The following TOX2 variants were observed in gnomAD, a reference collection of about 807,000 sequenced individuals.
The protein encoded by TOX2 is TOX high mobility group box family member 2.
A neutral mutation model predicts 47.4 loss-of-function variants in TOX2; 15 were observed. That is an observed-to-expected ratio of 0.32 (90% CI 0.21 to 0.49). TOX2 has a LOEUF of 0.49. Ranked by LOEUF, TOX2 falls within the 20% of genes least tolerant of loss-of-function variation. The probability of loss-of-function intolerance (pLI) is 0.99; values close to 1 mark genes in which losing one functional copy is unlikely to be tolerated. For missense variants in TOX2, 622 were observed against 673.1 expected, an observed-to-expected ratio of 0.92 and a Z score of 0.84; for synonymous variants, 290 against 296.6, an observed-to-expected ratio of 0.98 and a Z score of 0.23.
chr20:44,040,705 TC>T (rs2145719049), intron 3 of TOX2, among the ~76,000 whole-genome samples: 1 of 152,284 alleles, frequency 6.6e-6, no homozygotes, highest in African/African-American at 2.4e-5. Flanking sequence ...CTCTTTCTCT[TC>T]CTCCTGATGA....
At chr20:43,929,200 A>C (rs1040380825) in intron 1 of TOX2, among the ~76,000 whole-genome samples, 7 of 152,008 alleles carry the variant, frequency 4.6e-5, no homozygotes, top group African/African-American at 1.2e-4. Flanking sequence ...AGGGAAAAAA[A>C]CCCCCACAAA....
intron 1 of TOX2, among the ~76,000 whole-genome samples, chr20:43,934,003 T>A (rs2145327979): frequency 6.6e-6 from 1 of 151,858 alleles, no homozygotes; most frequent in South Asian, 2.1e-4. Context: ...GAGCTGCGTG[T>A]GCTGCAGGTT....
At chr20:43,951,705 A>ATTTTTTTTTTTT (rs1212223106) in intron 1 of TOX2, among the ~76,000 whole-genome samples, 3 of 30,382 alleles carry the variant, frequency 9.9e-5, no homozygotes, top group Non-Finnish European at 2.0e-4. Context: ...TAAACTTATT[A>ATTTTTTTTTTTT]TGTTTTTTTT....
chr20:44,045,351 AAAAT>A (rs35447153), intron 3 of TOX2, among the ~76,000 whole-genome samples: 100,034 of 151,482 alleles, frequency 0.66, 33,461 homozygotes, highest in East Asian at 0.78. Context: ...ACAAAGTTGT[AAAAT>A]AAATAGCCTA....
rs2069459917 is a variant in TOX2 at position 43,945,830 on chromosome 20, C to T, written c.100-27537C>T. ...GATGGGGGGTGGGGGTGCTGGGCCT[C>T]CAGCCAATAGAGGACCAAGAGTTGT... is the stretch of plus-strand genomic sequence containing the variant. On this transcript the variant is annotated intron_variant, in intron 1 of 8. Transcript: ENST00000341197. The T allele has an allele frequency of 4.4e-6, 7 of 1,578,562 alleles. No homozygotes were observed. In the South Asian group the frequency reaches 4.5e-5, roughly 10 times the overall value.
In TOX2 at chr20:44,006,565, G is replaced by A. The variant is rs768341615; in HGVS notation, c.184G>A (p.Glu62Lys). 9.9e-6 allele frequency: 16 copies of A among 1,613,272 alleles called. No individual in the cohort carries two copies. Among genetic ancestry groups the A allele is most frequent in the Non-Finnish European group, 1.1e-5 (13 of 1,179,928 alleles). The change falls in exon 3 of 9, where the codon GAG becomes AAG. Residue 62 changes from glutamate (E) to lysine (K), a missense_variant. Around this residue, in one of 3 missense-constraint regions of TOX2, gnomAD observed 307 missense variants for 327.3 expected, o/e 0.94. Coordinates refer to ENST00000341197, the MANE Select transcript of TOX2 (RefSeq NM_001098797.2). ...STSQTYNGQS[E>K]NNEDYEIPPI... ...GTTTTAGACCTACAACGGCCAGAGCGAGAACAACGAAGACTATGAGATCCC... is the reference window on the plus strand; with the variant it reads ...GTTTTAGACCTACAACGGCCAGAGCAAGAACAACGAAGACTATGAGATCCC...
chr20:43,923,875 C>A (rs2069137703), intron 1 of TOX2, among the ~76,000 whole-genome samples: 1 of 152,174 alleles, frequency 6.6e-6, no homozygotes, highest in African/African-American at 2.4e-5. Flanking sequence ...GCTGGCCTGG[C>A]CTGACCTGTG....
chr20:43,969,371 G>A (rs1301705165), intron 1 of TOX2, among the ~76,000 whole-genome samples: 1 of 152,226 alleles, frequency 6.6e-6, no homozygotes, highest in Non-Finnish European at 1.5e-5. Flanking sequence ...GTAGATGTGG[G>A]TGTTTTTGAT....
intron 1 of TOX2, among the ~76,000 whole-genome samples, chr20:43,971,053 T>TG (rs1285983683): frequency 6.6e-6 from 1 of 152,194 alleles, no homozygotes; most frequent in Admixed American, 6.5e-5. Flanking sequence ...GTCCCTGTGC[T>TG]GGGGAGGCTC....
At chr20:44,039,037 T>G (rs980650477) in intron 3 of TOX2, 1 of 1,239,624 alleles carries the variant, frequency 8.1e-7, no homozygotes, top group Non-Finnish European at 1.0e-6. Context: ...CTGGCTTCAC[T>G]TGGTTCCCAG....
chr20:44,051,552 G>A lies in TOX2; in HGVS notation c.651+7G>A. The A allele has an allele frequency of 6.4e-7, 1 of 1,572,144 alleles. No individual in the cohort carries two copies. On this transcript the variant is annotated splice_region_variant and intron_variant, in intron 4 of 8. Transcript: ENST00000341197. ...GTCGGAAGTGCATTTCAAGGTATGT[G>A]CGGTGGAGGAACAGAGCCTGAAGCT...
At chr20:43,970,115 G>A (rs901233911) in intron 1 of TOX2, among the ~76,000 whole-genome samples, 5 of 152,134 alleles carry the variant, frequency 3.3e-5, no homozygotes, top group Admixed American at 2.6e-4. Flanking sequence ...AAAAGCATTG[G>A]TCCCTGCTGT....
At chr20:44,013,948 A>G (rs910629865) in intron 3 of TOX2, among the ~76,000 whole-genome samples, 34 of 151,840 alleles carry the variant, frequency 2.2e-4, no homozygotes, top group African/African-American at 7.7e-4. Context: ...TGGCCAACAT[A>G]GTGAAACCCC....
intron 3 of TOX2, among the ~76,000 whole-genome samples, chr20:44,032,620 G>A (rs1209255553): frequency 6.6e-6 from 1 of 152,090 alleles, no homozygotes; most frequent in Non-Finnish European, 1.5e-5. Flanking sequence ...TAAGGACTTT[G>A]GCTTTTACTT....
intron 3 of TOX2, among the ~76,000 whole-genome samples, chr20:44,041,000 C>T (rs2071323275): frequency 6.6e-6 from 1 of 152,006 alleles, no homozygotes; most frequent in Admixed American, 6.6e-5. Context: ...AGAAGCAGAG[C>T]CTGAGATGGG....
At chr20:44,038,410 C>T (rs1027805845) in intron 3 of TOX2, among the ~76,000 whole-genome samples, 1 of 151,928 alleles carries the variant, frequency 6.6e-6, no homozygotes, top group African/African-American at 2.4e-5. Flanking sequence ...GTTTCTGAAC[C>T]CTCTCAAACT....
At chr20:43,962,844 T>C (rs947975092) in intron 1 of TOX2, among the ~76,000 whole-genome samples, 1 of 152,214 alleles carries the variant, frequency 6.6e-6, no homozygotes, top group African/African-American at 2.4e-5. Context: ...TTTTAAGTTT[T>C]CTAATAGCCA....
At position 44,041,090 on chromosome 20, in the gene TOX2, C is replaced by A. The variant is rs547490550; in HGVS notation, c.412-10216C>A. The stretch of plus-strand genomic sequence containing the variant: ...GGGAAGGGGCTGAGCATGGATGTAG[C>A]CTCGGCTGGAGACTCGCTTCAGGCT... On this transcript the variant is annotated intron_variant, in intron 3 of 8. Transcript: ENST00000341197. Among the ~76,000 whole-genome samples the A allele has an allele frequency of 2.0e-5, 3 of 152,258 alleles. No individual in the cohort carries two copies. In the East Asian group the frequency reaches 5.8e-4, roughly 29 times the overall value.
intron 1 of TOX2, among the ~76,000 whole-genome samples, chr20:43,935,301 C>T (rs892412899): frequency 2.0e-5 from 3 of 152,216 alleles, no homozygotes; most frequent in Non-Finnish European, 4.4e-5. Flanking sequence ...CTGTAAGCCT[C>T]TCCTGCGTAG....
Sources: allele counts gnomAD v4.1 joint callset (sites outside exome capture counted in the v4.1 genomes callset), GRCh38; gene constraint gnomAD v4.1.1; regional missense constraint gnomAD v4.1.1; transcripts MANE v1.5; gene names NCBI Gene and HGNC (gene_info 2026-07-23, HGNC 2026-07-21).